DLGAP1: variants seen among roughly 807,000 people sequenced by gnomAD.
DLGAP1 encodes DLG associated protein 1.
Under a neutral mutation model 90.8 loss-of-function variants are expected in DLGAP1, and 11 were observed. The observed-to-expected ratio is 0.12, with a 90% CI of 0.08 to 0.20. DLGAP1 has a LOEUF of 0.20. DLGAP1 is among the 10% of genes least tolerant of loss of function. The pLI is 1.00. For synonymous variants in DLGAP1, 558 were observed against 540.7 expected (o/e 1.03, Z -0.44); for missense variants, 1,050 against 1,333.8 (o/e 0.79, Z 3.31).
chr18:3,755,945 A>T (rs2063701761), intron 5 of DLGAP1, among the ~76,000 whole-genome samples: 1 of 152,252 alleles, frequency 6.6e-6, no homozygotes, highest in Non-Finnish European at 1.5e-5. Flanking sequence ...ATTTTAGAAG[A>T]TTGAAAGTAG....
At chr18:4,131,413 T>C (rs2076315089) in intron 2 of DLGAP1, among the ~76,000 whole-genome samples, 1 of 152,204 alleles carries the variant, frequency 6.6e-6, no homozygotes, top group African/African-American at 2.4e-5. Flanking sequence ...AGAAAGCTTT[T>C]TCTCAAAGGG....
At chr18:3,977,244 G>A (rs1182780285) in intron 3 of DLGAP1, among the ~76,000 whole-genome samples, 1 of 151,942 alleles carries the variant, frequency 6.6e-6, no homozygotes, top group Non-Finnish European at 1.5e-5. Context: ...GCTAATTTTT[G>A]TATTTTTAGT....
intron 7 of DLGAP1, among the ~76,000 whole-genome samples, chr18:3,658,036 C>G (rs2059564200): frequency 6.6e-6 from 1 of 152,160 alleles, no homozygotes; most frequent in Non-Finnish European, 1.5e-5. Context: ...ATTATTATAT[C>G]TTTTATGTGA....
chr18:3,757,334 G>T (rs552724004), intron 5 of DLGAP1, among the ~76,000 whole-genome samples: 1 of 152,178 alleles, frequency 6.6e-6, no homozygotes, highest in Non-Finnish European at 1.5e-5. Context: ...GCTTGAAACC[G>T]GGAGGCAGAG....
chr18:3,522,568 G>T (rs1791139), intron 10 of DLGAP1, among the ~76,000 whole-genome samples: 4 of 89,128 alleles, frequency 4.5e-5, no homozygotes, highest in Admixed American at 1.3e-4. Context: ...TTTTTTTGGA[G>T]ACCTCATTCT....
chr18:4,319,781 C>A (rs1443415582), intron 1 of DLGAP1, among the ~76,000 whole-genome samples: 3 of 152,152 alleles, frequency 2.0e-5, no homozygotes, highest in Admixed American at 6.5e-5. Flanking sequence ...GCAATAGTCA[C>A]TGAAAGTTTC....
intron 1 of DLGAP1, among the ~76,000 whole-genome samples, chr18:4,162,162 A>G (rs2076857224): frequency 6.6e-6 from 1 of 152,218 alleles, no homozygotes; most frequent in African/African-American, 2.4e-5. Context: ...GTAATGGCAG[A>G]ATGGAACAAA....
At chr18:4,357,832 G>A (rs2081554735) in intron 1 of DLGAP1, among the ~76,000 whole-genome samples, 1 of 152,206 alleles carries the variant, frequency 6.6e-6, no homozygotes, top group Admixed American at 6.5e-5. Flanking sequence ...TAGTCCTAGG[G>A]ATTCCACAGC....
At chr18:3,531,225 T>C (rs924580672) in intron 10 of DLGAP1, among the ~76,000 whole-genome samples, 4 of 151,908 alleles carry the variant, frequency 2.6e-5, no homozygotes, top group Non-Finnish European at 5.9e-5. Flanking sequence ...TCACCTGAGG[T>C]CAGGAGTTCA....
chr18:4,430,002 C>CA (rs759450636), intron 1 of DLGAP1, among the ~76,000 whole-genome samples: 25 of 149,438 alleles, frequency 1.7e-4, no homozygotes, highest in South Asian at 2.3e-4. Flanking sequence ...AAGCAAAATC[C>CA]AACAAAAAGA....
chr18:3,780,155 C>T (rs1346469390), intron 5 of DLGAP1, among the ~76,000 whole-genome samples: 3 of 152,216 alleles, frequency 2.0e-5, no homozygotes, highest in Non-Finnish European at 2.9e-5. Context: ...TAGACATGCT[C>T]ATATGGAAAA....
In DLGAP1 at chr18:3,525,567, T is replaced by C. The variant is rs1265959157; in HGVS notation, c.2479+8627A>G. 3.9e-5 allele frequency among the ~76,000 whole-genome samples: 6 copies of C among 152,198 alleles called. No homozygotes were observed. In the East Asian group the frequency reaches 1.2e-3, roughly 29 times the overall value. ...TGCATGCACCACCAAGCCCAGCTAA[T>C]TTTTGTATTTTTAGTAGAGACGGAG... On this transcript the variant is annotated intron_variant, in intron 10 of 12. Coordinates refer to ENST00000315677, the MANE Select transcript of DLGAP1 (RefSeq NM_004746.4).
Position 4,454,406 on chromosome 18 carries a change from T to TTCTCTCTATC in DLGAP1, c.-267+599_-267+600insGATAGAGAGA, listed in dbSNP as rs112338095. ...CAGTGACCTCCTCCTTGGACCCCATTTCTCTCTCTCTCTCTCTCTCTGTGC... is the reference window on the plus strand; with the variant it reads ...CAGTGACCTCCTCCTTGGACCCCATTTCTCTCTATCTCTCTCTCTCTCTCTCTCTCTGTGC... On this transcript the variant is annotated intron_variant, in intron 1 of 12. Coordinates refer to ENST00000315677, the MANE Select transcript of DLGAP1 (RefSeq NM_004746.4). This position sits in a 1 kb window ranked among gnomAD's most constrained non-coding sequence, Gnocchi z 4.7. 0.15 allele frequency among the ~76,000 whole-genome samples: 22,656 copies of TTCTCTCTATC among 150,124 alleles called. 1,824 individuals are homozygous for TTCTCTCTATC. Among genetic ancestry groups the TTCTCTCTATC allele is most frequent in the South Asian group, 0.27 (1,289 of 4,756 alleles).
chr18:3,778,959 C>T (rs1024452069), intron 5 of DLGAP1, among the ~76,000 whole-genome samples: 10 of 152,154 alleles, frequency 6.6e-5, no homozygotes, highest in South Asian at 2.1e-4. Flanking sequence ...AAAACCCAGT[C>T]TATCCCAACC....
At position 4,276,865 on chromosome 18, in the gene DLGAP1, A is replaced by T. The variant is rs533912430; in HGVS notation, c.-266-125578T>A. ...TGTGTCTGACTAGAGTTGTATCAGTAAGTATAAATAGAAACAGTAATGCAT... is the reference window on the plus strand; with the variant it reads ...TGTGTCTGACTAGAGTTGTATCAGTTAGTATAAATAGAAACAGTAATGCAT... On this transcript the variant is annotated intron_variant, in intron 1 of 12. Transcript: ENST00000315677. 3.9e-5 allele frequency among the ~76,000 whole-genome samples: 6 copies of T among 152,360 alleles called. No homozygotes were observed. In the East Asian group the frequency reaches 9.6e-4, roughly 24 times the overall value.
At chr18:3,829,655 T>A (rs1428621575) in intron 4 of DLGAP1, among the ~76,000 whole-genome samples, 1 of 152,154 alleles carries the variant, frequency 6.6e-6, no homozygotes, top group Non-Finnish European at 1.5e-5. Context: ...GATTCTGCAG[T>A]CTTGAGACAG....
intron 3 of DLGAP1, among the ~76,000 whole-genome samples, chr18:3,908,558 G>C (rs2071963217): frequency 6.6e-6 from 1 of 152,094 alleles, no homozygotes; most frequent in Non-Finnish European, 1.5e-5. Context: ...TGCAGTTCAG[G>C]TTGGTGGCCA....
At chr18:3,891,413 T>C (rs528717502) in intron 3 of DLGAP1, among the ~76,000 whole-genome samples, 2 of 152,284 alleles carry the variant, frequency 1.3e-5, no homozygotes, top group South Asian at 4.1e-4. Context: ...GGGATGGGAC[T>C]GGTGCCATGG....
intron 6 of DLGAP1, among the ~76,000 whole-genome samples, chr18:3,731,198 T>C (rs553459905): frequency 6.6e-6 from 1 of 152,212 alleles, no homozygotes; most frequent in South Asian, 2.1e-4. Context: ...ATAATATATG[T>C]ATATGTATAT....
Sources: gnomAD v4.1 joint callset for allele counts (sites outside exome capture counted in the v4.1 genomes callset) on GRCh38, gnomAD v4.1.1 for gene constraint, Gnocchi (gnomAD v3.1) non-coding constraint, MANE v1.5 for transcripts, NCBI Gene and HGNC (gene_info 2026-07-23, HGNC 2026-07-21) for gene names.